ALG14: variants seen among roughly 807,000 people sequenced by gnomAD.
The protein encoded by ALG14 is UDP-N-acetylglucosamine transferase subunit ALG14.
In ALG14, 17 loss-of-function variants were observed where a neutral mutation model predicts 22.8. That is an observed-to-expected ratio of 0.75 (90% CI 0.51 to 1.12). The LOEUF (loss-of-function observed/expected upper bound fraction) is 1.12, where lower values mean the gene tolerates loss of function less well. ALG14 is among the 50% of genes most tolerant of loss of function. ALG14 has a pLI of 0.00. For synonymous variants in ALG14, 89 were observed against 103.7 expected (o/e 0.86, Z 0.86); for missense variants, 288 against 271.8 (o/e 1.06, Z -0.42).
At chr1:95,012,599 T>TAGTC (rs376729075) in intron 3 of ALG14, among the ~76,000 whole-genome samples, 54 of 152,318 alleles carry the variant, frequency 3.5e-4, no homozygotes, top group Middle Eastern at 3.4e-3. Flanking sequence ...ACAGGCAGTT[T>TAGTC]AGTCATATAC....
intron 2 of ALG14, among the ~76,000 whole-genome samples, chr1:95,040,513 T>C (rs572698794): frequency 6.6e-6 from 1 of 152,302 alleles, no homozygotes; most frequent in African/African-American, 2.4e-5. Context: ...ATGCAGAGCT[T>C]AGAATTATGC....
intron 3 of ALG14, among the ~76,000 whole-genome samples, chr1:94,987,203 G>A (rs1011750730): frequency 2.6e-5 from 4 of 152,188 alleles, no homozygotes; most frequent in African/African-American, 9.7e-5. Context: ...ATCCAGTTGT[G>A]CCTGAAGGAA....
At chr1:95,046,775 T>C (rs75967161) in intron 2 of ALG14, among the ~76,000 whole-genome samples, 7,128 of 152,284 alleles carry the variant, frequency 0.047, 225 homozygotes, top group South Asian at 0.088. Flanking sequence ...GGAAATGGTA[T>C]AACAATACTA....
In ALG14 at chr1:95,064,917, A is replaced by G. The variant is rs2100841348; in HGVS notation, c.237T>C (p.Asn79=). The part of the protein sequence containing the change: ...VIADTDEMSA[N]KINSFELDRA... ...GATCTAGTTCAAAAGAATTTATTTT[A>G]TTGGCACTCATTTCATCAGTGTCAG... The change falls in exon 2 of 4, where the codon AAT becomes AAC. Residue 79 remains asparagine (N), a synonymous_variant. Transcript: ENST00000370205. 1 of 1,614,056 alleles carries G rather than the reference A, an allele frequency of 6.2e-7. No individual in the cohort carries two copies.
chr1:94,974,818 A>G lies in ALG14; in HGVS notation c.*8258T>C, dbSNP rs1672364048. ...GCCTATGAACTCTGTGGATCAGCAAATCACAGGGCACAGAAGGGAGAGCTT... is the reference window on the plus strand; with the variant it reads ...GCCTATGAACTCTGTGGATCAGCAAGTCACAGGGCACAGAAGGGAGAGCTT... On this transcript the variant is annotated 3_prime_UTR_variant, in exon 4 of 4. Coordinates refer to ENST00000370205, the MANE Select transcript of ALG14 (RefSeq NM_144988.4). 1 of 152,214 alleles carries G rather than the reference A, an allele frequency of 6.6e-6. No individual in the cohort carries two copies. Among genetic ancestry groups the G allele is most frequent in the South Asian group, 2.1e-4 (1 of 4,826 alleles). 9.4% of individuals were successfully genotyped at this position (152,214 alleles called of 1,614,324 possible). A position where few individuals can be genotyped will look rare whatever the true frequency, so the allele number is the denominator to read the frequency against.
At chr1:95,015,916 T>C (rs886087498) in intron 3 of ALG14, among the ~76,000 whole-genome samples, 5 of 152,188 alleles carry the variant, frequency 3.3e-5, no homozygotes, top group Non-Finnish European at 7.3e-5. Context: ...CTTATTAGCC[T>C]CTTGATTTCT....
chr1:95,017,610 C>T (rs1397597436), intron 3 of ALG14, among the ~76,000 whole-genome samples: 2 of 151,026 alleles, frequency 1.3e-5, no homozygotes, highest in African/African-American at 4.9e-5. Context: ...AGAGAAAGAA[C>T]AGTTAAAGCA....
chr1:94,999,343 A>AAT (rs1557945264), intron 3 of ALG14, among the ~76,000 whole-genome samples: 2 of 108,776 alleles, frequency 1.8e-5, no homozygotes, highest in African/African-American at 7.2e-5. Context: ...CAGTAGACCC[A>AAT]TTTTTTTTTT....
In ALG14 at chr1:94,979,370, A is replaced by G. The variant is rs1672458519; in HGVS notation, c.*3706T>C. The G allele has an allele frequency of 6.6e-6, 1 of 151,944 alleles. No homozygotes were observed. The highest frequency in any genetic ancestry group is 2.1e-4 in the South Asian group (1 of 4,822). The allele number at this position is 151,944 out of a possible 1,614,324, so 9.4% of individuals were successfully genotyped here. A position where few individuals can be genotyped will look rare whatever the true frequency, so the allele number is the denominator to read the frequency against. ...CTAGCATGAGGGGAAGTCTCTGAAG[A>G]CAAACATAAGTAATTAACAAAATCA... On this transcript the variant is annotated 3_prime_UTR_variant, in exon 4 of 4. Coordinates refer to ENST00000370205, the MANE Select transcript of ALG14 (RefSeq NM_144988.4).
At chr1:95,067,909 C>T (rs1239574474) in intron 1 of ALG14, among the ~76,000 whole-genome samples, 2 of 152,182 alleles carry the variant, frequency 1.3e-5, no homozygotes, top group Non-Finnish European at 2.9e-5. Context: ...TGTTCCTCCC[C>T]GCTTACTCAG....
In ALG14 at chr1:94,978,725, C is replaced by T. The variant is rs1452666729; in HGVS notation, c.*4351G>A. ...ATCCTTTGGAACTCAGGTAAAATAC[C>T]ACTTTCTTAGAAAGGCCTTTCCTGA... On this transcript the variant is annotated 3_prime_UTR_variant, in exon 4 of 4. Transcript: ENST00000370205. 2 of 151,968 alleles carry T rather than the reference C, an allele frequency of 1.3e-5. No homozygotes were observed. The highest frequency in any genetic ancestry group is 2.1e-4 in the South Asian group (1 of 4,822). The allele number at this position is 151,968 out of a possible 1,614,324, so 9.4% of individuals were successfully genotyped here. A position where few individuals can be genotyped will look rare whatever the true frequency, so the allele number is the denominator to read the frequency against.
chr1:94,978,306 C>T lies in ALG14; in HGVS notation c.*4770G>A, dbSNP rs1226077354. 6.6e-6 allele frequency: 1 copy of T among 152,030 alleles called. No homozygotes were observed. The highest frequency in any genetic ancestry group is 2.4e-5 in the African/African-American group (1 of 41,366). The allele number at this position is 152,030 out of a possible 1,614,324, so 9.4% of individuals were successfully genotyped here. A position where few individuals can be genotyped will look rare whatever the true frequency, so the allele number is the denominator to read the frequency against. On this transcript the variant is annotated 3_prime_UTR_variant, in exon 4 of 4. Transcript: ENST00000370205. ...TTGAACTCCTGACCTTGTGATACAC[C>T]CACCTTGGCCTCCCAAAGTGCTGGG...
chr1:95,048,132 A>AAT (rs1191221198), intron 2 of ALG14, among the ~76,000 whole-genome samples: 1 of 152,222 alleles, frequency 6.6e-6, no homozygotes, highest in African/African-American at 2.4e-5. Context: ...TCTTGTATAG[A>AAT]ATCAGCACTC....
At chr1:95,009,825 T>A (rs962059124) in intron 3 of ALG14, among the ~76,000 whole-genome samples, 2 of 152,192 alleles carry the variant, frequency 1.3e-5, no homozygotes, top group Admixed American at 1.3e-4. Flanking sequence ...AGCATTAATA[T>A]CTTGGCTTTG....
intron 3 of ALG14, among the ~76,000 whole-genome samples, chr1:95,001,355 G>A (rs34345643): frequency 6.6e-6 from 1 of 152,190 alleles, no homozygotes; most frequent in East Asian, 1.9e-4. Flanking sequence ...TGGTGTGCTG[G>A]ATAGGGAAAA....
At chr1:95,051,279 G>A (rs1674740555) in intron 2 of ALG14, among the ~76,000 whole-genome samples, 1 of 151,978 alleles carries the variant, frequency 6.6e-6, no homozygotes, top group Non-Finnish European at 1.5e-5. Flanking sequence ...AAAAACCTGG[G>A]TGCCATCTTC....
chr1:95,006,772 C>A (rs11165286), intron 3 of ALG14, among the ~76,000 whole-genome samples: 3,104 of 152,328 alleles, frequency 0.02, 113 homozygotes, highest in African/African-American at 0.071. Flanking sequence ...GAATCCCTAA[C>A]CTCTGTGGTG....
At chr1:95,044,505 C>G (rs1451303124) in intron 2 of ALG14, among the ~76,000 whole-genome samples, 3 of 152,144 alleles carry the variant, frequency 2.0e-5, no homozygotes, top group African/African-American at 7.2e-5. Context: ...GCTATTGCAC[C>G]AACATCCAGG....
At chr1:95,010,635 G>C (rs1673336245) in intron 3 of ALG14, among the ~76,000 whole-genome samples, 1 of 152,094 alleles carries the variant, frequency 6.6e-6, no homozygotes, top group African/African-American at 2.4e-5. Context: ...GGTGAATTCA[G>C]GAAATTTTTG....
Sources: allele counts gnomAD v4.1 joint callset (sites outside exome capture counted in the v4.1 genomes callset), GRCh38; gene constraint gnomAD v4.1.1; transcripts MANE v1.5; gene names NCBI Gene and HGNC (gene_info 2026-07-23, HGNC 2026-07-21).